GRID2: variants seen among roughly 807,000 people sequenced by gnomAD.
The protein encoded by GRID2 is glutamate ionotropic receptor delta type subunit 2.
GRID2 carries 33 observed loss-of-function variants against 114.8 expected under a neutral mutation model. The observed-to-expected ratio is 0.29, with a 90% CI of 0.22 to 0.38. GRID2 has a LOEUF of 0.38. Ranked by LOEUF, GRID2 falls within the 10% of genes least tolerant of loss-of-function variation. GRID2 has a pLI of 1.00. For missense variants in GRID2, 1,184 were observed against 1,257.7 expected, an observed-to-expected ratio of 0.94 and a Z score of 0.89; for synonymous variants, 505 against 449.9, an observed-to-expected ratio of 1.12 and a Z score of -1.55.
At chr4:93,317,018 T>G (rs1028626457) in intron 8 of GRID2, among the ~76,000 whole-genome samples, 1 of 152,156 alleles carries the variant, frequency 6.6e-6, no homozygotes, top group Non-Finnish European at 1.5e-5. Context: ...CTAAAGCTCA[T>G]TACCTTAATT....
At chr4:92,656,995 G>A (rs1023477702) in intron 2 of GRID2, among the ~76,000 whole-genome samples, 1 of 151,492 alleles carries the variant, frequency 6.6e-6, no homozygotes, top group African/African-American at 2.4e-5. Context: ...TAAACCATTG[G>A]TTTGTCAGCT....
chr4:92,823,477 CT>C (rs1298997264), intron 2 of GRID2, among the ~76,000 whole-genome samples: 1 of 152,102 alleles, frequency 6.6e-6, no homozygotes, highest in East Asian at 1.9e-4. Flanking sequence ...GCAAATTATG[CT>C]GTCTATAGTC....
chr4:92,494,579 G>A (rs1723300357), intron 1 of GRID2, among the ~76,000 whole-genome samples: 1 of 152,024 alleles, frequency 6.6e-6, no homozygotes, highest in African/African-American at 2.4e-5. Flanking sequence ...GTAAAAGAGA[G>A]TTGGGCAAGG....
At chr4:92,605,203 A>G (rs969464260) in intron 2 of GRID2, among the ~76,000 whole-genome samples, 1 of 152,074 alleles carries the variant, frequency 6.6e-6, no homozygotes, top group African/African-American at 2.4e-5. Flanking sequence ...GGACTAATAC[A>G]CCAGTGTACA....
At chr4:93,713,385 G>A (rs535964473) in intron 14 of GRID2, among the ~76,000 whole-genome samples, 1 of 152,104 alleles carries the variant, frequency 6.6e-6, no homozygotes, top group African/African-American at 2.4e-5. Context: ...TAGTTGGGGA[G>A]TTCAGGTGGA....
chr4:92,562,872 G>T (rs560631820), intron 1 of GRID2, among the ~76,000 whole-genome samples: 1 of 152,294 alleles, frequency 6.6e-6, no homozygotes, highest in South Asian at 2.1e-4. Flanking sequence ...AGAGTGCCCT[G>T]ATGCTAAGAG....
rs1375080126 is a variant in GRID2 at position 92,680,398 on chromosome 4, A to G, written c.244+90112A>G. ...ATACAAATGTGAATCAAATTAGTCA[A>G]GGATTAGGCCCTGAAAATTAAATTG... is the stretch of plus-strand genomic sequence containing the variant. On this transcript the variant is annotated intron_variant, in intron 2 of 15. Coordinates refer to ENST00000282020, the MANE Select transcript of GRID2 (RefSeq NM_001510.4). Among the ~76,000 whole-genome samples, 6 of 152,288 alleles carry G rather than the reference A, an allele frequency of 3.9e-5. No homozygotes were observed. The East Asian group carries it at 1.2e-3, about 29-fold the overall frequency.
chr4:92,517,012 A>C (rs144269947), intron 1 of GRID2, among the ~76,000 whole-genome samples: 229 of 147,868 alleles, frequency 1.5e-3, no homozygotes, highest in Non-Finnish European at 3.2e-3. Flanking sequence ...AGAGATAAAA[A>C]GAGAAACTTA....
intron 2 of GRID2, among the ~76,000 whole-genome samples, chr4:93,066,460 A>G (rs1010129727): frequency 6.6e-6 from 1 of 151,928 alleles, no homozygotes; most frequent in Admixed American, 6.6e-5. Flanking sequence ...CATGCTATTT[A>G]TAATTCCTGG....
chr4:93,478,352 A>G (rs1725517547), intron 11 of GRID2, among the ~76,000 whole-genome samples: 1 of 152,098 alleles, frequency 6.6e-6, no homozygotes, highest in Admixed American at 6.6e-5. Context: ...TCTGCTCATC[A>G]GAAATATTTT....
At chr4:93,434,536 A>G (rs541424439) in intron 10 of GRID2, among the ~76,000 whole-genome samples, 26 of 152,254 alleles carry the variant, frequency 1.7e-4, no homozygotes, top group African/African-American at 6.0e-4. Context: ...TTTCAGCCAC[A>G]GCAGCAGAAA....
At chr4:92,706,340 G>GT (rs963165487) in intron 2 of GRID2, among the ~76,000 whole-genome samples, 1 of 152,086 alleles carries the variant, frequency 6.6e-6, no homozygotes, top group Non-Finnish European at 1.5e-5. Context: ...TATTTTTAAA[G>GT]TTTTTTATTT....
chr4:92,786,236 AATGTTGGAC>A (rs1560591118), intron 2 of GRID2, among the ~76,000 whole-genome samples: 2 of 151,830 alleles, frequency 1.3e-5, no homozygotes, highest in African/African-American at 4.8e-5. Context: ...TTATTAAGGA[AATGTTGGAC>A]ATGGACCCTA....
At chr4:92,566,028 T>C (rs1403792224) in intron 1 of GRID2, among the ~76,000 whole-genome samples, 1 of 151,968 alleles carries the variant, frequency 6.6e-6, no homozygotes, top group Non-Finnish European at 1.5e-5. Flanking sequence ...CTAGGAATAT[T>C]TGGAAACAGT....
At chr4:93,041,123 G>T (rs776132183) in intron 2 of GRID2, among the ~76,000 whole-genome samples, 3 of 152,156 alleles carry the variant, frequency 2.0e-5, no homozygotes, top group Non-Finnish European at 4.4e-5. Context: ...TATTATTAGT[G>T]AAGGGAATTA....
chr4:92,357,776 A>T (rs578014739), intron 1 of GRID2, among the ~76,000 whole-genome samples: 2 of 151,838 alleles, frequency 1.3e-5, no homozygotes, highest in Non-Finnish European at 2.9e-5. Context: ...TTAAAATATG[A>T]TATTTTAAAT....
rs908671912 is a variant in GRID2 at position 92,718,231 on chromosome 4, A to G, written c.244+127945A>G. On this transcript the variant is annotated intron_variant, in intron 2 of 15. Coordinates refer to ENST00000282020, the MANE Select transcript of GRID2 (RefSeq NM_001510.4). The stretch of plus-strand genomic sequence containing the variant: ...AAAATTATATAGTTTAGATAACTCT[A>G]TAATAGCAAATGTGAAGAAACATAG... Among the ~76,000 whole-genome samples the G allele has an allele frequency of 7.9e-5, 12 of 152,080 alleles. 1 individual carries two copies. Among genetic ancestry groups the G allele is most frequent in the Admixed American group, 7.9e-4 (12 of 15,264 alleles).
At chr4:93,312,717 G>A (rs376576427) in intron 8 of GRID2, among the ~76,000 whole-genome samples, 12 of 152,116 alleles carry the variant, frequency 7.9e-5, no homozygotes, top group African/African-American at 2.9e-4. Flanking sequence ...AGGAAGTCAT[G>A]CTGCATTCTC....
intron 2 of GRID2, among the ~76,000 whole-genome samples, chr4:92,724,286 C>A (rs1318619486): frequency 6.6e-6 from 1 of 152,102 alleles, no homozygotes; most frequent in Non-Finnish European, 1.5e-5. Context: ...AAATCTCTTT[C>A]ACCACCACTT....
Sources: allele counts gnomAD v4.1 joint callset (sites outside exome capture counted in the v4.1 genomes callset), GRCh38; gene constraint gnomAD v4.1.1; transcripts MANE v1.5; gene names NCBI Gene and HGNC (gene_info 2026-07-23, HGNC 2026-07-21).